The following SLC20A2 variants were observed in gnomAD, a reference collection of about 807,000 sequenced individuals.
SLC20A2 encodes the protein sodium-dependent phosphate transporter 2.
In SLC20A2, 30 loss-of-function variants were observed where a neutral mutation model predicts 61.0. The ratio of observed to expected loss-of-function variants is 0.49; its 90% CI spans 0.37 to 0.67. SLC20A2 has a LOEUF of 0.67. Ranked by LOEUF, SLC20A2 falls within the 30% of genes least tolerant of loss-of-function variation. SLC20A2 has a pLI of 0.00. For missense variants in SLC20A2, 626 were observed against 866.4 expected, an observed-to-expected ratio of 0.72 and a Z score of 3.48; for synonymous variants, 351 against 353.3, an observed-to-expected ratio of 0.99 and a Z score of 0.07.
At chr8:42,506,650 C>T (rs1161048675) in intron 1 of SLC20A2, among the ~76,000 whole-genome samples, 1 of 152,198 alleles carries the variant, frequency 6.6e-6, no homozygotes, top group Non-Finnish European at 1.5e-5. Context: ...TTTGTAAACT[C>T]CTTTGGAAAA....
upstream of SLC20A2, among the ~76,000 whole-genome samples, chr8:42,506,189 C>CTTGG (rs2131362154): frequency 6.6e-6 from 1 of 152,288 alleles, no homozygotes; most frequent in South Asian, 2.1e-4. Context: ...ATCCATCCAC[C>CTTGG]TTGGCCTCCC....
At chr8:42,462,535 T>C (rs1387281004) in intron 4 of SLC20A2, among the ~76,000 whole-genome samples, 1 of 152,106 alleles carries the variant, frequency 6.6e-6, no homozygotes, top group East Asian at 1.9e-4. Flanking sequence ...ATAGGTGTAT[T>C]TCCTTCTTTT....
chr8:42,444,528 TG>T (rs1161190296), intron 6 of SLC20A2, 117 bp downstream of exon 6: 4 of 738,260 alleles, frequency 5.4e-6, no homozygotes, highest in Non-Finnish European at 9.4e-6. Context: ...GGATGGGGTA[TG>T]TTCTGGAGTC....
At chr8:42,533,187 G>T (rs759191916) in intron 1 of SLC20A2, among the ~76,000 whole-genome samples, 2 of 152,040 alleles carry the variant, frequency 1.3e-5, no homozygotes, top group Non-Finnish European at 2.9e-5. Flanking sequence ...ATTCATAAAA[G>T]CAAAAATTGT....
At chr8:42,522,731 G>C (rs1355587392) in intron 1 of SLC20A2, among the ~76,000 whole-genome samples, 2 of 61,256 alleles carry the variant, frequency 3.3e-5, no homozygotes, top group Non-Finnish European at 1.1e-4. Flanking sequence ...CTTCTTTAGA[G>C]ACTTGTTCTG....
intron 4 of SLC20A2, among the ~76,000 whole-genome samples, chr8:42,461,971 T>C (rs1372405590): frequency 6.6e-6 from 1 of 152,106 alleles, no homozygotes; most frequent in Non-Finnish European, 1.5e-5. Context: ...AGTCAAATAG[T>C]GAACAGGCAA....
chr8:42,523,252 C>G (rs1188553696), intron 1 of SLC20A2, among the ~76,000 whole-genome samples: 2 of 152,134 alleles, frequency 1.3e-5, no homozygotes, highest in Admixed American at 1.3e-4. Context: ...ATCGCTTGAA[C>G]CTGGGAGGTG....
upstream of SLC20A2, among the ~76,000 whole-genome samples, chr8:42,506,142 T>C (rs576576088): frequency 6.4e-4 from 98 of 152,210 alleles, no homozygotes; most frequent in Admixed American, 1.7e-3. Flanking sequence ...GGTTTCGCCA[T>C]GTTGGCCAGG....
intron 1 of SLC20A2, chr8:42,541,144 C>T (rs1813101497): frequency 6.6e-6 from 1 of 152,208 alleles, no homozygotes; most frequent in African/African-American, 2.4e-5. Context: ...ACCCCTCCCC[C>T]GCCGAGTCCC....
At chr8:42,493,058 C>T (rs1189573225) in intron 1 of SLC20A2, among the ~76,000 whole-genome samples, 1 of 152,120 alleles carries the variant, frequency 6.6e-6, no homozygotes, top group African/African-American at 2.4e-5. Flanking sequence ...CCTCAATGCC[C>T]AAAGGAAACC....
intron 10 of SLC20A2, among the ~76,000 whole-genome samples, chr8:42,423,590 C>T (rs905867715): frequency 2.6e-5 from 4 of 152,232 alleles, no homozygotes; most frequent in South Asian, 2.1e-4. Context: ...TGATCAGTAG[C>T]GTAAAAACTT....
chr8:42,533,684 G>A (rs185501305), intron 1 of SLC20A2, among the ~76,000 whole-genome samples: 1 of 39,942 alleles, frequency 2.5e-5, no homozygotes, highest in Non-Finnish European at 5.5e-5. Context: ...TTTGAGACGG[G>A]AGTCTTACTC....
intron 1 of SLC20A2, among the ~76,000 whole-genome samples, chr8:42,508,324 A>T (rs28637891): frequency 0.025 from 3,785 of 152,212 alleles, 149 homozygotes; most frequent in African/African-American, 0.084. Flanking sequence ...ATTTTCAAAA[A>T]AGGGATCTTG....
At chr8:42,444,804 C>A (rs752339350) in intron 5 of SLC20A2, 42 bp from the exon 6 acceptor site, 69 of 1,511,468 alleles carry the variant, frequency 4.6e-5, no homozygotes, top group Non-Finnish European at 6.3e-5. Flanking sequence ...CTGGAAACTT[C>A]TGCAAGGTCA....
At chr8:42,515,165 G>C (rs1047737699) in intron 1 of SLC20A2, among the ~76,000 whole-genome samples, 2 of 152,138 alleles carry the variant, frequency 1.3e-5, no homozygotes, top group Non-Finnish European at 2.9e-5. Flanking sequence ...GCTTGTCCAA[G>C]GTCACATGGA....
chr8:42,518,407 T>C (rs1811449637), intron 1 of SLC20A2, among the ~76,000 whole-genome samples: 1 of 152,242 alleles, frequency 6.6e-6, no homozygotes, highest in Admixed American at 6.5e-5. Flanking sequence ...GTTAAATCTA[T>C]ATCTATTGAC....
At chr8:42,466,284 C>T (rs1289513981) in intron 2 of SLC20A2, among the ~76,000 whole-genome samples, 1 of 152,190 alleles carries the variant, frequency 6.6e-6, no homozygotes, top group Non-Finnish European at 1.5e-5. Flanking sequence ...TGGGGTCTCA[C>T]TATGTTAGCC....
At chr8:42,455,285 GA>G (rs1806098826) in intron 5 of SLC20A2, among the ~76,000 whole-genome samples, 2 of 146,572 alleles carry the variant, frequency 1.4e-5, no homozygotes, top group Non-Finnish European at 3.0e-5. Flanking sequence ...GAGAGAGAGA[GA>G]GAGAGAGCGT....
At chr8:42,476,310 A>G (rs956952066) in intron 1 of SLC20A2, among the ~76,000 whole-genome samples, 6 of 151,626 alleles carry the variant, frequency 4.0e-5, no homozygotes, top group Admixed American at 1.3e-4. Context: ...TCACCGTGTT[A>G]GCCAGGATGG....
Sources: allele counts gnomAD v4.1 joint callset (sites outside exome capture counted in the v4.1 genomes callset), GRCh38; gene constraint gnomAD v4.1.1; transcripts MANE v1.5; gene names NCBI Gene and HGNC (gene_info 2026-07-23, HGNC 2026-07-21).